Variants in DDX54 observed in about 807,000 individuals in gnomAD.
The protein encoded by DDX54 is ATP-dependent RNA helicase DDX54.
In DDX54, 67 loss-of-function variants were observed where a neutral mutation model predicts 105.5. The ratio of observed to expected loss-of-function variants is 0.64; its 90% CI spans 0.52 to 0.78. DDX54 has a LOEUF of 0.78. Among genes scored for constraint, DDX54 ranks in the 30% least tolerant of loss-of-function variants. DDX54 has a pLI of 0.00. For synonymous variants in DDX54, 514 were observed against 509.9 expected, an observed-to-expected ratio of 1.01 and a Z score of -0.11; for missense variants, 1,206 against 1,230.5, an observed-to-expected ratio of 0.98 and a Z score of 0.30.
Position 113,172,356 on chromosome 12 carries a change from C to A in DDX54, c.1276G>T (p.Val426Leu). The change falls in exon 11 of 20, where the codon GTG becomes TTG. Residue 426 changes from valine to leucine, a missense_variant. Around this residue, in one of 3 missense-constraint regions of DDX54, gnomAD observed 961 missense variants for 1,019.1 expected, o/e 0.94. Transcript: ENST00000306014. ...GGGCCAGCCACGGGCTGCTTACCCA[C>A]GCGGTGCAGGAAGAGTTTGCCCTTG... ...PAKGKLFLHR[V>L]GRVARAGRSG... is the part of the protein sequence containing the mutation. The A allele has an allele frequency of 6.2e-7, 1 of 1,613,584 alleles. No individual in the cohort carries two copies. Among genetic ancestry groups the A allele is most frequent in the Non-Finnish European group, 8.5e-7 (1 of 1,179,728 alleles).
chr12:113,183,293 C>T (rs1428373698), intron 1 of DDX54, among the ~76,000 whole-genome samples: 4 of 152,258 alleles, frequency 2.6e-5, no homozygotes, highest in Admixed American at 2.0e-4. Flanking sequence ...CAGGGCAGTG[C>T]CGTGAGAAGC....
rs573465251 is a variant in DDX54, at chr12:113,165,655, G to A, written c.1708C>T (p.Arg570Cys). 20 of 1,610,878 alleles carry A rather than the reference G, an allele frequency of 1.2e-5. No individual in the cohort carries two copies. Among genetic ancestry groups the A allele is most frequent in the African/African-American group, 8.0e-5 (6 of 74,992 alleles). ...CCGGCCCCACTCACCGCCCGGGAGC[G>A]GTAGTTCTTTATGCTGTCCACCAGC... The part of the protein sequence containing the change: ...LRLVDSIKNY[R>C]SRATIFEINA... Residue 570 changes from arginine to cysteine, a missense_variant, in exon 14 of 20, where the codon CGC becomes TGC. By Grantham distance (180) the Arg-to-Cys change is radical. Coordinates refer to ENST00000306014, the MANE Select transcript of DDX54 (RefSeq NM_024072.4).
chr12:113,171,252 C>G (rs558796347), intron 11 of DDX54, among the ~76,000 whole-genome samples: 1 of 152,070 alleles, frequency 6.6e-6, no homozygotes, highest in Non-Finnish European at 1.5e-5. Flanking sequence ...CCAGGGGCTG[C>G]GGGAGGGGAA....
At chr12:113,167,075 T>C (rs943819024) in intron 12 of DDX54, among the ~76,000 whole-genome samples, 1 of 152,138 alleles carries the variant, frequency 6.6e-6, no homozygotes, top group Non-Finnish European at 1.5e-5. Context: ...AACTTTTTAC[T>C]ACAAAATATA....
At position 113,169,690 on chromosome 12, in the gene DDX54, C is replaced by A; in HGVS notation, c.1414+80G>T. 2.0e-6 allele frequency: 3 copies of A among 1,518,636 alleles called. No homozygotes were observed. The East Asian group carries it at 6.9e-5, about 35-fold the overall frequency. 94.1% of individuals were successfully genotyped at this position (1,518,636 alleles called of 1,614,324 possible). On this transcript the variant is annotated intron_variant, in intron 12 of 19. Transcript: ENST00000306014. ...GAATCATCTTCTGCTGGGGTCAAAC[C>A]CAGCCCTACCTCCTCCCACAGCCAA... is the stretch of plus-strand genomic sequence containing the variant.
chr12:113,185,417 C>T lies in DDX54; in HGVS notation c.35G>A (p.Arg12Gln), dbSNP rs1019727811. The T allele has an allele frequency of 1.4e-5, 21 of 1,529,202 alleles. No homozygotes were observed. Among genetic ancestry groups the T allele is most frequent in the African/African-American group, 7.1e-5 (5 of 70,374 alleles). 94.7% of individuals were successfully genotyped at this position (1,529,202 alleles called of 1,614,324 possible). The change falls in exon 1 of 20, where the codon CGG becomes CAG. Residue 12 changes from arginine (R) to glutamine (Q), a missense_variant. Physicochemically the swap from Arg to Gln is conservative, Grantham distance 43. Coordinates refer to ENST00000306014, the MANE Select transcript of DDX54 (RefSeq NM_024072.4). ...AADKGPAAGP[R>Q]SRAAMAQWRK... is the part of the protein sequence containing the mutation. The stretch of plus-strand genomic sequence containing the variant: ...CCACTGGGCCATGGCAGCTCGCGAC[C>T]GAGGTCCAGCCGCCGGGCCCTTGTC...
At chr12:113,181,452 C>G (rs190628001) in intron 1 of DDX54, among the ~76,000 whole-genome samples, 21 of 151,858 alleles carry the variant, frequency 1.4e-4, no homozygotes, top group Non-Finnish European at 2.5e-4. Flanking sequence ...ACTACCACAT[C>G]TGGCTAATTT....
chr12:113,175,550 A>G (rs1273216580), intron 7 of DDX54, among the ~76,000 whole-genome samples: 1 of 152,144 alleles, frequency 6.6e-6, no homozygotes, highest in East Asian at 1.9e-4. Context: ...GCACTTTGGG[A>G]GGCCAAGGCG....
intron 17 of DDX54, 72 bp from the exon 18 acceptor site, chr12:113,162,069 G>C: frequency 7.1e-7 from 1 of 1,405,894 alleles, no homozygotes; most frequent in Non-Finnish European, 1.0e-6. Context: ...CTTGGGGCCT[G>C]TCTCCTCACC....
chr12:113,158,801 C>A lies in DDX54; in HGVS notation c.*76G>T. The A allele has an allele frequency of 1.4e-6, 2 of 1,468,072 alleles. No homozygotes were observed. The highest frequency in any genetic ancestry group is 1.8e-6 in the Non-Finnish European group (2 of 1,090,634). 90.9% of individuals were successfully genotyped at this position (1,468,072 alleles called of 1,614,324 possible). On this transcript the variant is annotated 3_prime_UTR_variant, in exon 20 of 20. Coordinates refer to ENST00000306014, the MANE Select transcript of DDX54 (RefSeq NM_024072.4). This position sits in a 1 kb window ranked among gnomAD's most constrained non-coding sequence, Gnocchi z 4.9. ...CCAGTGCCCAGCACAGGGCCAGGCA[C>A]ACAGTGGTGCACGGGAACGTCTGCT...
intron 5 of DDX54, among the ~76,000 whole-genome samples, 190 bp downstream of exon 5, chr12:113,178,787 C>T (rs1369515041): frequency 6.6e-6 from 1 of 152,202 alleles, no homozygotes; most frequent in African/African-American, 2.4e-5. Flanking sequence ...AGGGGATCTG[C>T]CCACCTCGGC....
At chr12:113,171,138 C>A (rs1474238450) in intron 11 of DDX54, among the ~76,000 whole-genome samples, 3 of 152,202 alleles carry the variant, frequency 2.0e-5, no homozygotes, top group African/African-American at 7.2e-5. Context: ...GCTCTCCACA[C>A]AGCAACAGAA....
intron 1 of DDX54, among the ~76,000 whole-genome samples, chr12:113,182,538 T>C (rs114943438): frequency 0.011 from 1,617 of 152,148 alleles, 32 homozygotes; most frequent in African/African-American, 0.037. Context: ...ACTGAATGTA[T>C]GAACAGCATG....
Position 113,161,348 on chromosome 12 carries a change from C to A in DDX54, c.2335G>T (p.Asp779Tyr), listed in dbSNP as rs372406216. 1.1e-4 allele frequency: 170 copies of A among 1,613,302 alleles called. No homozygotes were observed. The highest frequency in any genetic ancestry group is 1.1e-4 in the Non-Finnish European group (131 of 1,179,682). Residue 779 changes from aspartate to tyrosine, a missense_variant, in exon 19 of 20, where the codon GAT becomes TAT. Asp to Tyr is a radical substitution (Grantham distance 160). This residue lies in a region of DDX54 where 961 missense variants were observed against 1,019.1 expected (regional missense o/e 0.94). Transcript: ENST00000306014. ...GCCCCTTCTTCGTCCGAGTCACGAT[C>A]ATCAATTTTCTGTTTCTGTTTCCAC... Reference protein sequence around the residue: ...QKWKQKQKIDDRDSDEEGASD... With the variant: ...QKWKQKQKIDYRDSDEEGASD...
rs1952317143 is a variant in DDX54 at position 113,169,917 on chromosome 12, G to A, written c.1280-13C>T. The A allele has an allele frequency of 1.2e-6, 2 of 1,613,910 alleles. No homozygotes were observed. The highest frequency in any genetic ancestry group is 2.2e-5 in the East Asian group (1 of 44,878). On this transcript the variant is annotated splice_polypyrimidine_tract_variant and intron_variant, in intron 11 of 19. Coordinates refer to ENST00000306014, the MANE Select transcript of DDX54 (RefSeq NM_024072.4). The stretch of plus-strand genomic sequence containing the variant: ...CGAGCCACACGGCCTGCAGCAAGGA[G>A]ACGTTCAAGCTTAATTAAGCAAAGA...
chr12:113,162,454 C>A (rs1349206068), intron 17 of DDX54, among the ~76,000 whole-genome samples: 1 of 152,190 alleles, frequency 6.6e-6, no homozygotes, highest in East Asian at 1.9e-4. Flanking sequence ...GACAGCACAG[C>A]CAGGGGCCAT....
chr12:113,171,996 C>G (rs1228560471), intron 11 of DDX54, among the ~76,000 whole-genome samples: 2 of 151,750 alleles, frequency 1.3e-5, no homozygotes, highest in Non-Finnish European at 2.9e-5. Context: ...CACACATAGC[C>G]GATTTTAAAA....
chr12:113,169,979 C>T, intron 11 of DDX54, 75 bp from the exon 12 acceptor site: 1 of 1,573,128 alleles, frequency 6.4e-7, no homozygotes, highest in Non-Finnish European at 8.6e-7. Context: ...CAGGCCAGAC[C>T]CTGAGCAGGT....
intron 18 of DDX54, 85 bp from the exon 19 acceptor site, chr12:113,161,467 C>A (rs983805166): frequency 9.1e-7 from 1 of 1,101,718 alleles, no homozygotes; most frequent in Non-Finnish European, 1.3e-6. Context: ...GACAGAGTTC[C>A]GTTATCCCAG....
Sources: allele counts gnomAD v4.1 joint callset (sites outside exome capture counted in the v4.1 genomes callset), GRCh38; gene constraint gnomAD v4.1.1; regional missense constraint gnomAD v4.1.1; non-coding constraint Gnocchi (gnomAD v3.1); transcripts MANE v1.5; gene names NCBI Gene and HGNC (gene_info 2026-07-23, HGNC 2026-07-21).